Variants in WDR6 observed in about 807,000 individuals in gnomAD.
WDR6 encodes the protein WD repeat domain 6.
Under a neutral mutation model 85.6 loss-of-function variants are expected in WDR6, and 58 were observed. The observed-to-expected ratio is 0.68, with a 90% CI of 0.55 to 0.84. The LOEUF (loss-of-function observed/expected upper bound fraction) is 0.84. WDR6 is among the 40% of genes least tolerant of loss of function. The probability of loss-of-function intolerance (pLI) is 0.00; values close to 1 mark genes in which losing one functional copy is unlikely to be tolerated. For missense variants in WDR6, 1,310 were observed against 1,476.4 expected (o/e 0.89, Z 1.85); for synonymous variants, 569 against 582.2 (o/e 0.98, Z 0.33).
Position 49,015,481 on chromosome 3 carries a change from A to G in WDR6, c.*193A>G, listed in dbSNP as rs1450900304. 6.5e-7 allele frequency: 1 copy of G among 1,545,750 alleles called. No homozygotes were observed. The highest frequency in any genetic ancestry group is 8.8e-7 in the Non-Finnish European group (1 of 1,130,404). On this transcript the variant is annotated 3_prime_UTR_variant, in exon 6 of 6. Coordinates refer to ENST00000608424, the MANE Select transcript of WDR6 (RefSeq NM_018031.6). ...AATATGCCCGACTCCCCATGACAAG[A>G]CAGAACTTTGTAACAAACAGTACCA...
chr3:49,009,177 C>T (rs1457872524), intron 1 of WDR6, among the ~76,000 whole-genome samples: 2 of 152,092 alleles, frequency 1.3e-5, no homozygotes, highest in African/African-American at 4.8e-5. Flanking sequence ...CCACCATACC[C>T]GGCCTCTCTA....
chr3:49,013,182 G>T lies in WDR6; in HGVS notation c.1648G>T (p.Gly550Cys). 1 of 1,612,656 alleles carries T rather than the reference G, an allele frequency of 6.2e-7. No individual in the cohort carries two copies. Among genetic ancestry groups the T allele is most frequent in the Non-Finnish European group, 8.5e-7 (1 of 1,179,170 alleles). ...TGTAGTGGGTAGTGGTAGTAGTGGG[G>T]GTGGGAATGCTTTCACTGGGTTGGG... ...APVVGSGSSG[G>C]GNAFTGLGPV... The change falls in exon 2 of 6, where the codon GGT becomes TGT. Residue 550 changes from glycine to cysteine, a missense_variant. Coordinates refer to ENST00000608424, the MANE Select transcript of WDR6 (RefSeq NM_018031.6). The surrounding 1 kb of genome is among the most constrained non-coding windows in gnomAD (Gnocchi z 4.6).
Position 49,011,903 on chromosome 3 carries a change from C to T in WDR6, c.369C>T (p.Arg123=), listed in dbSNP as rs576063154. ...WNMSDWIWDA[R]WLEGNIALAL... is the part of the protein sequence containing the mutation. ...TGTCTGACTGGATTTGGGATGCACG[C>T]TGGCTTGAGGGAAATATAGCCTTGG... Residue 123 remains arginine (R), a synonymous_variant, in exon 2 of 6, where the codon CGC becomes CGT. Transcript: ENST00000608424. The T allele has an allele frequency of 2.5e-6, 4 of 1,614,210 alleles. No individual in the cohort carries two copies. The East Asian group carries it at 8.9e-5, about 36-fold the overall frequency.
chr3:49,011,410 T>C, intron 1 of WDR6: 4 of 1,421,418 alleles, frequency 2.8e-6, no homozygotes, highest in Non-Finnish European at 3.8e-6. Flanking sequence ...TTTTTTTTTC[T>C]TTTGAGACAG....
intron 1 of WDR6, chr3:49,009,057 T>G (rs1576612331): frequency 6.6e-6 from 1 of 152,484 alleles, no homozygotes; most frequent in East Asian, 1.9e-4. Context: ...AATTGTTGTA[T>G]TTTTAGTAGA....
intron 1 of WDR6, among the ~76,000 whole-genome samples, chr3:49,009,483 C>G (rs561214506): frequency 6.6e-6 from 1 of 152,030 alleles, no homozygotes; most frequent in Non-Finnish European, 1.5e-5. Context: ...AATCTTGCCT[C>G]GATTGACCTT....
intron 1 of WDR6, 190 bp from the exon 2 acceptor site, chr3:49,011,445 G>T: frequency 6.5e-7 from 1 of 1,545,522 alleles, no homozygotes. Flanking sequence ...TTTCCAAAGT[G>T]CCCAGATTAC....
intron 1 of WDR6, chr3:49,011,359 G>A (rs1216516038): frequency 2.7e-5 from 31 of 1,138,594 alleles, no homozygotes; most frequent in Non-Finnish European, 3.4e-5. Context: ...GATTACAGGC[G>A]TGAGCCACCG....
chr3:49,015,800 T>C lies in WDR6; in HGVS notation c.*512T>C, dbSNP rs1232197019. Reference sequence around the variant, plus strand: ...CGTCCCACCCCATTTTGCTGTGTGCTCACCCCCAGGATGTGTACCCGGTTG... The same window carrying C: ...CGTCCCACCCCATTTTGCTGTGTGCCCACCCCCAGGATGTGTACCCGGTTG... On this transcript the variant is annotated 3_prime_UTR_variant, in exon 6 of 6. Transcript: ENST00000608424. The C allele has an allele frequency of 2.5e-6, 4 of 1,614,162 alleles. No homozygotes were observed. Among genetic ancestry groups the C allele is most frequent in the Non-Finnish European group, 3.4e-6 (4 of 1,180,028 alleles).
Position 49,007,395 on chromosome 3 carries a change from T to A in WDR6, c.-37T>A, listed in dbSNP as rs768237761. ...CGTTCTCGCGAGAGTTCAGCTCCCT[T>A]CTTAGCCGTGGCTGCCTCAGCACCT... On this transcript the variant is annotated 5_prime_UTR_variant, in exon 1 of 6. Transcript: ENST00000608424. The surrounding 1 kb of genome is among the most constrained non-coding windows in gnomAD (Gnocchi z 5.1). 2.5e-6 allele frequency: 4 copies of A among 1,592,208 alleles called. No individual in the cohort carries two copies. The Admixed American group carries it at 5.4e-5, about 22-fold the overall frequency.
In WDR6 at chr3:49,015,699, T is replaced by G; in HGVS notation, c.*411T>G. ...CGAACATCTGACCAAAGAGGTGTGG[T>G]CGAGGCTCCTGAAAGAGAAAGGGCC... On this transcript the variant is annotated 3_prime_UTR_variant, in exon 6 of 6. Coordinates refer to ENST00000608424, the MANE Select transcript of WDR6 (RefSeq NM_018031.6). 1 of 1,614,048 alleles carries G rather than the reference T, an allele frequency of 6.2e-7. No homozygotes were observed. The highest frequency in any genetic ancestry group is 8.5e-7 in the Non-Finnish European group (1 of 1,180,000).
intron 1 of WDR6, chr3:49,011,394 CTTT>C (rs369551484): frequency 2.2e-4 from 247 of 1,145,000 alleles, no homozygotes; most frequent in East Asian, 3.3e-4. Flanking sequence ...CAAGGATTTT[CTTT>C]TTTTTTTTTT....
chr3:49,011,897 T>C lies in WDR6; in HGVS notation c.363T>C (p.Asp121=). 1 of 1,614,214 alleles carries C rather than the reference T, an allele frequency of 6.2e-7. No individual in the cohort carries two copies. Among genetic ancestry groups the C allele is most frequent in the Non-Finnish European group, 8.5e-7 (1 of 1,180,040 alleles). Residue 121 remains aspartate, a synonymous_variant, in exon 2 of 6, where the codon GAT becomes GAC. Transcript: ENST00000608424. ...GLWNMSDWIW[D]ARWLEGNIAL... ...GGAACATGTCTGACTGGATTTGGGA[T>C]GCACGCTGGCTTGAGGGAAATATAG... is the stretch of plus-strand genomic sequence containing the variant.
chr3:49,012,670 A>G lies in WDR6; in HGVS notation c.1136A>G (p.Lys379Arg), dbSNP rs2093023872. The change falls in exon 2 of 6, where the codon AAG becomes AGG. Residue 379 changes from lysine to arginine, a missense_variant. Physicochemically the swap from Lys to Arg is conservative, Grantham distance 26. Transcript: ENST00000608424. The surrounding 1 kb of genome is among the most constrained non-coding windows in gnomAD (Gnocchi z 4.4). ...CTGTATCTCTATGACGTCGAGGTCA[A>G]GTGCTGGGAGCAGCTGCTAGAGGAT... is the stretch of plus-strand genomic sequence containing the variant. ...GALYLYDVEV[K>R]CWEQLLEDKH... The G allele has an allele frequency of 6.2e-7, 1 of 1,613,906 alleles. No homozygotes were observed. The highest frequency in any genetic ancestry group is 1.7e-5 in the Admixed American group (1 of 60,002).
chr3:49,009,363 C>T (rs950287763), intron 1 of WDR6, among the ~76,000 whole-genome samples: 24 of 141,784 alleles, frequency 1.7e-4, no homozygotes, highest in Admixed American at 1.3e-3. Flanking sequence ...CGCCTCCTTT[C>T]CTCTGGCTAA....
At position 49,012,959 on chromosome 3, in the gene WDR6, C is replaced by T; in HGVS notation, c.1425C>T (p.Ala475=). The T allele has an allele frequency of 6.2e-7, 1 of 1,613,950 alleles. No homozygotes were observed. The highest frequency in any genetic ancestry group is 8.5e-7 in the Non-Finnish European group (1 of 1,179,972). ...TCTCAGCCGCACCCTCTGGCAAGGC[C>T]ATCTTTGTCAAGGAACGTTGTCGGT... ...LEISAAPSGK[A]IFVKERCRYL... is the part of the protein sequence containing the mutation. The change falls in exon 2 of 6, where the codon GCC becomes GCT. Residue 475 remains alanine (A), a synonymous_variant. Transcript: ENST00000608424. The surrounding 1 kb of genome is among the most constrained non-coding windows in gnomAD (Gnocchi z 4.4).
Position 49,013,806 on chromosome 3 carries a change from C to T in WDR6, c.2272C>T (p.Pro758Ser). The change falls in exon 2 of 6, where the codon CCT becomes TCT. Residue 758 changes from proline to serine, a missense_variant. By Grantham distance (74) the Pro-to-Ser change is moderately conservative. Transcript: ENST00000608424. This position sits in a 1 kb window ranked among gnomAD's most constrained non-coding sequence, Gnocchi z 4.6. The stretch of plus-strand genomic sequence containing the variant: ...CACTACTGTCTGTGTCCTAGCACTC[C>T]CTACAACCACAGGCTCAGCCCACGC... ...EDTTVCVLAL[P>S]TTTGSAHALT... 1 of 1,614,112 alleles carries T rather than the reference C, an allele frequency of 6.2e-7. No individual in the cohort carries two copies. The highest frequency in any genetic ancestry group is 2.2e-5 in the East Asian group (1 of 44,880).
chr3:49,014,014 G>T lies in WDR6; in HGVS notation c.2480G>T (p.Arg827Leu). The T allele has an allele frequency of 6.2e-7, 1 of 1,611,698 alleles. No homozygotes were observed. The highest frequency in any genetic ancestry group is 8.5e-7 in the Non-Finnish European group (1 of 1,179,976). The change falls in exon 2 of 6, where the codon CGC becomes CTC. Residue 827 changes from arginine to leucine, a missense_variant. Arg to Leu is a moderately radical substitution (Grantham distance 102, BLOSUM62 -2). Transcript: ENST00000608424. This position sits in a 1 kb window ranked among gnomAD's most constrained non-coding sequence, Gnocchi z 4.9. Reference protein sequence around the residue: ...MVTPDPSTPSRLACHVMHLSS... With the variant: ...MVTPDPSTPSLLACHVMHLSS... ...ACTCCGGACCCCAGCACCCCAAGCC[G>T]CCTCGCCTGCCATGTCATGCACCTT...
In WDR6 at chr3:49,014,389, T is replaced by C. The variant is rs751940782; in HGVS notation, c.2673T>C (p.Phe891=). ...AACSDGAVRL[F]LLQDSGRILQ... ...GCCACCCCCCGCCCCCCAGGCTCTT[T>C]CTTTTGCAGGATTCTGGGCGGATTC... Residue 891 remains phenylalanine, a synonymous_variant, in exon 4 of 6, where the codon TTT becomes TTC. Coordinates refer to ENST00000608424, the MANE Select transcript of WDR6 (RefSeq NM_018031.6). The surrounding 1 kb of genome is among the most constrained non-coding windows in gnomAD (Gnocchi z 4.9). 3 of 1,614,124 alleles carry C rather than the reference T, an allele frequency of 1.9e-6. No individual in the cohort carries two copies. The highest frequency in any genetic ancestry group is 2.5e-6 in the Non-Finnish European group (3 of 1,180,016).
Sources: allele counts gnomAD v4.1 joint callset (sites outside exome capture counted in the v4.1 genomes callset), GRCh38; gene constraint gnomAD v4.1.1; non-coding constraint Gnocchi (gnomAD v3.1); transcripts MANE v1.5; gene names NCBI Gene and HGNC (gene_info 2026-07-23, HGNC 2026-07-21).